Variants in CCDC66 observed in about 807,000 individuals in gnomAD.
CCDC66 encodes coiled-coil domain-containing protein 66.
A neutral mutation model predicts 128.3 loss-of-function variants in CCDC66; 133 were observed. The ratio of observed to expected loss-of-function variants is 1.04; its 90% CI spans 0.90 to 1.20. CCDC66 has a LOEUF of 1.20. Ranked by LOEUF, CCDC66 falls within the 50% of genes most tolerant of loss-of-function variation. CCDC66 has a pLI of 0.00. For missense variants in CCDC66, 1,126 were observed against 1,075.5 expected (o/e 1.05, Z -0.66); for synonymous variants, 387 against 357.0 (o/e 1.08, Z -0.95).
chr3:56,619,927 T>TGTC, intron 17 of CCDC66, 26 bp downstream of exon 17: 1 of 1,606,894 alleles, frequency 6.2e-7, no homozygotes, highest in Non-Finnish European at 8.5e-7. Context: ...AGTGTAGATA[T>TGTC]GTCTGTTCTT....
intron 1 of CCDC66, 144 bp downstream of exon 1, chr3:56,557,397 C>G: frequency 8.8e-7 from 1 of 1,130,604 alleles, no homozygotes; most frequent in Non-Finnish European, 1.2e-6. Flanking sequence ...GAGCCCAGTT[C>G]TCGGGTAGAA....
At chr3:56,566,476 T>A (rs2065877777) in intron 4 of CCDC66, 118 bp from the exon 5 acceptor site, 1 of 620,970 alleles carries the variant, frequency 1.6e-6, no homozygotes, top group African/African-American at 1.9e-5. Flanking sequence ...CCTCAAGGAT[T>A]GTTTTGAGAG....
chr3:56,618,181 CCT>C lies in CCDC66; in HGVS notation c.2350_2351del (p.Leu784GlufsTer37), dbSNP rs1035455695. ...RWHLVKKEEEPLNIHSFSKER... is the reference protein window; with the variant it reads ...RWHLVKKEEEXLNIHSFSKER... Reference sequence around the variant, plus strand: ...TCTATCCATATTTTAGGAAGAAGAGCCTCTGAATATTCATTCATTCAGCAAGG... The same window carrying C: ...TCTATCCATATTTTAGGAAGAAGAGCCTGAATATTCATTCATTCAGCAAGG... On this transcript the variant is annotated frameshift_variant, in exon 15 of 18. Transcript: ENST00000394672. LOFTEE classifies it high-confidence loss of function. The C allele has an allele frequency of 1.2e-6, 2 of 1,611,878 alleles. No homozygotes were observed. The highest frequency in any genetic ancestry group is 2.7e-5 in the African/African-American group (2 of 74,860).
Position 56,593,998 on chromosome 3 carries a change from C to A in CCDC66, c.1374C>A (p.Asp458Glu). 1 of 1,614,132 alleles carries A rather than the reference C, an allele frequency of 6.2e-7. No individual in the cohort carries two copies. The highest frequency in any genetic ancestry group is 8.5e-7 in the Non-Finnish European group (1 of 1,180,000). ...LLDPAQIEER[D>E]RRRQKQLEHQ... is the part of the protein sequence containing the mutation. ...ACCCAGCTCAGATTGAGGAACGAGA[C>A]AGACGACGACAAAAACAATTAGAGC... is the stretch of plus-strand genomic sequence containing the variant. The change falls in exon 10 of 18, where the codon GAC becomes GAA. Residue 458 changes from aspartate (D) to glutamate (E), a missense_variant. Transcript: ENST00000394672.
intron 7 of CCDC66, among the ~76,000 whole-genome samples, chr3:56,574,427 T>G (rs1191921432): frequency 6.6e-6 from 1 of 151,632 alleles, no homozygotes; most frequent in African/African-American, 2.4e-5. Context: ...TGGAGAGATG[T>G]TATTGAGGGA....
At chr3:56,587,340 G>A (rs956299512) in intron 7 of CCDC66, among the ~76,000 whole-genome samples, 3 of 151,792 alleles carry the variant, frequency 2.0e-5, no homozygotes, top group Non-Finnish European at 2.9e-5. Flanking sequence ...AAATCTCTGG[G>A]GACTGGGTAA....
chr3:56,562,424 A>T (rs2065223171), intron 3 of CCDC66, among the ~76,000 whole-genome samples: 1 of 152,152 alleles, frequency 6.6e-6, no homozygotes, highest in Admixed American at 6.5e-5. Flanking sequence ...TCTTAGGTTT[A>T]TAGGAAGAGA....
intron 10 of CCDC66, among the ~76,000 whole-genome samples, chr3:56,612,951 G>A (rs777907309): frequency 5.3e-5 from 8 of 152,200 alleles, no homozygotes; most frequent in Non-Finnish European, 1.0e-4. Flanking sequence ...GAATGCTTAG[G>A]TTGGGGCAGT....
intron 7 of CCDC66, among the ~76,000 whole-genome samples, chr3:56,571,661 AG>A (rs1414306729): frequency 6.6e-6 from 1 of 152,104 alleles, no homozygotes; most frequent in Non-Finnish European, 1.5e-5. Context: ...TACAGGCATG[AG>A]CCACCGTGCC....
At position 56,563,941 on chromosome 3, in the gene CCDC66, G is replaced by C; in HGVS notation, c.360G>C (p.Lys120Asn). 2.5e-6 allele frequency: 4 copies of C among 1,613,838 alleles called. No individual in the cohort carries two copies. The highest frequency in any genetic ancestry group is 3.4e-6 in the Non-Finnish European group (4 of 1,179,842). Residue 120 changes from lysine to asparagine, a missense_variant, in exon 4 of 18, where the codon AAG becomes AAC. Coordinates refer to ENST00000394672, the MANE Select transcript of CCDC66 (RefSeq NM_001141947.3). ...CACCTGCAACCCCTAATATGCAGAA[G>C]ACTAGAAACACCGTAAATACATCTC... ...EISPATPNMQ[K>N]TRNTVNTSLV...
chr3:56,561,075 A>G, intron 3 of CCDC66: 1 of 423,064 alleles, frequency 2.4e-6, no homozygotes. Context: ...TCTCTATCAT[A>G]TAGTTATATA....
In CCDC66 at chr3:56,559,565, GT is replaced by G; in HGVS notation, c.77-3del. 1 of 1,529,236 alleles carries G rather than the reference GT, an allele frequency of 6.5e-7. No individual in the cohort carries two copies. Among genetic ancestry groups the G allele is most frequent in the Non-Finnish European group, 8.8e-7 (1 of 1,134,828 alleles). 94.7% of individuals were successfully genotyped at this position (1,529,236 alleles called of 1,614,324 possible). The stretch of plus-strand genomic sequence containing the variant: ...AGTTTAGTAATTTCTTTTTTCTTTT[GT>G]AGAACATAAATCAAAAATTTCTGTG... On this transcript the variant is annotated splice_region_variant and splice_polypyrimidine_tract_variant and intron_variant, in intron 2 of 17. Transcript: ENST00000394672.
rs6772604 is a variant in CCDC66 at position 56,582,644 on chromosome 3, G to T, written c.937-10326G>T. Reference sequence around the variant, plus strand: ...TGGTTTTATCTCCTGCAACTTTGCTGAATTTATTCTAAAAGTGTTTTTTAG... The same window carrying T: ...TGGTTTTATCTCCTGCAACTTTGCTTAATTTATTCTAAAAGTGTTTTTTAG... On this transcript the variant is annotated intron_variant, in intron 7 of 17. Transcript: ENST00000394672. Among the ~76,000 whole-genome samples the T allele has an allele frequency of 9.4e-3, 1,421 of 151,730 alleles. 35 individuals carry two copies. Among genetic ancestry groups the T allele is most frequent in the African/African-American group, 0.032 (1,308 of 41,480 alleles).
intron 10 of CCDC66, among the ~76,000 whole-genome samples, chr3:56,594,648 A>G (rs1577698885): frequency 6.6e-6 from 1 of 151,720 alleles, no homozygotes; most frequent in African/African-American, 2.4e-5. Flanking sequence ...GTGCTACTGC[A>G]CTCCAGCCTG....
intron 1 of CCDC66, among the ~76,000 whole-genome samples, 184 bp downstream of exon 1, chr3:56,557,437 A>G (rs2064465667): frequency 6.6e-6 from 1 of 151,190 alleles, no homozygotes; most frequent in Non-Finnish European, 1.5e-5. Flanking sequence ...GCCCTTAGCG[A>G]CTCCACAGAC....
intron 4 of CCDC66, 55 bp from the exon 5 acceptor site, chr3:56,566,539 T>C: frequency 1.7e-6 from 2 of 1,167,434 alleles, no homozygotes; most frequent in Non-Finnish European, 2.5e-6. Context: ...CTATGCCAAG[T>C]ATTATAACAG....
chr3:56,591,032 A>G (rs2070795587), intron 7 of CCDC66, among the ~76,000 whole-genome samples: 1 of 152,192 alleles, frequency 6.6e-6, no homozygotes, highest in Admixed American at 6.5e-5. Context: ...ATGCAGTTCT[A>G]CCTACTACCT....
intron 12 of CCDC66, 144 bp downstream of exon 12, chr3:56,615,416 A>C (rs751454677): frequency 1.3e-6 from 1 of 747,646 alleles, no homozygotes; most frequent in Non-Finnish European, 2.0e-6. Flanking sequence ...CTGCAACCTC[A>C]TATTTTTTGT....
At chr3:56,613,481 C>T in intron 10 of CCDC66, 108 bp from the exon 11 acceptor site, 3 of 1,264,856 alleles carry the variant, frequency 2.4e-6, no homozygotes, top group Non-Finnish European at 3.2e-6. Context: ...ATTTTGGTTC[C>T]CCTCTGTGGA....
Sources: gnomAD v4.1 joint callset for allele counts (sites outside exome capture counted in the v4.1 genomes callset) on GRCh38, gnomAD v4.1.1 for gene constraint, MANE v1.5 for transcripts, NCBI Gene and HGNC (gene_info 2026-07-23, HGNC 2026-07-21) for gene names.